The following EFR3B variants were observed in gnomAD, a reference collection of about 807,000 sequenced individuals.
EFR3B encodes the protein EFR3 homolog B, also known as protein EFR3 homolog B.
EFR3B carries 64 observed loss-of-function variants against 104.7 expected under a neutral mutation model. The ratio of observed to expected loss-of-function variants is 0.61; its 90% confidence interval spans 0.50 to 0.75. The LOEUF (loss-of-function observed/expected upper bound fraction) is 0.75. Ranked by LOEUF, EFR3B falls within the 30% of genes least tolerant of loss-of-function variation. The pLI is 0.00. For missense variants in EFR3B, 750 were observed against 1,078.5 expected (o/e 0.70, Z 4.27); for synonymous variants, 385 against 417.9 (o/e 0.92, Z 0.96).
At chr2:25,103,832 G>C (rs1225369368) in intron 4 of EFR3B, 45 bp downstream of exon 4, 2 of 1,544,566 alleles carry the variant, frequency 1.3e-6, no homozygotes, top group South Asian at 1.2e-5. Context: ...GCCGCATCCT[G>C]GGGGGTGGCA....
At chr2:25,085,443 TAA>T (rs1427711889) in intron 1 of EFR3B, among the ~76,000 whole-genome samples, 1 of 152,166 alleles carries the variant, frequency 6.6e-6, no homozygotes, top group Non-Finnish European at 1.5e-5. Context: ...AAAAGCATAA[TAA>T]AAATATTCAT....
chr2:25,089,191 C>G (rs1669044155), intron 1 of EFR3B, among the ~76,000 whole-genome samples: 1 of 152,130 alleles, frequency 6.6e-6, no homozygotes, highest in Admixed American at 6.5e-5. Context: ...CAGGACTGTC[C>G]CGGCCTGATG....
At chr2:25,126,591 C>T (rs1670175435) in intron 5 of EFR3B, among the ~76,000 whole-genome samples, 1 of 152,024 alleles carries the variant, frequency 6.6e-6, no homozygotes, top group African/African-American at 2.4e-5. Context: ...AACTCCTGAC[C>T]TCAGGTGATC....
intron 19 of EFR3B, chr2:25,146,432 T>C (rs1006678898): frequency 6.6e-6 from 1 of 152,196 alleles, no homozygotes; most frequent in South Asian, 2.1e-4. Flanking sequence ...CTTGGGCTAA[T>C]TGGACAAGTA....
At chr2:25,051,128 T>A (rs531395637) in intron 1 of EFR3B, among the ~76,000 whole-genome samples, 2 of 152,298 alleles carry the variant, frequency 1.3e-5, no homozygotes, top group East Asian at 3.9e-4. Context: ...CTTCTGTTTT[T>A]TGAGACCAAG....
chr2:25,087,692 C>T (rs1041753248), intron 1 of EFR3B, among the ~76,000 whole-genome samples: 5 of 152,024 alleles, frequency 3.3e-5, no homozygotes, highest in African/African-American at 4.8e-5. Context: ...AGGCTGGTCT[C>T]GAACTCCTGA....
chr2:25,147,347 G>T (rs571205305), intron 19 of EFR3B: 1 of 152,356 alleles, frequency 6.6e-6, no homozygotes, highest in Non-Finnish European at 1.5e-5. Flanking sequence ...GCCGAGCATA[G>T]CTCTCTCTTG....
chr2:25,054,272 T>C (rs1207983169), intron 1 of EFR3B, among the ~76,000 whole-genome samples: 1 of 152,162 alleles, frequency 6.6e-6, no homozygotes, highest in Non-Finnish European at 1.5e-5. Context: ...CATGGACTTA[T>C]ATTGCAGGAC....
At chr2:25,090,471 T>C (rs988526983) in intron 1 of EFR3B, among the ~76,000 whole-genome samples, 3 of 152,242 alleles carry the variant, frequency 2.0e-5, no homozygotes, top group Admixed American at 6.5e-5. Context: ...AACCAAAACA[T>C]GAAGGAGGAG....
intron 1 of EFR3B, among the ~76,000 whole-genome samples, chr2:25,064,197 GTC>G (rs1249446548): frequency 6.6e-6 from 1 of 152,330 alleles, no homozygotes; most frequent in East Asian, 1.9e-4. Context: ...CATGGCGCCT[GTC>G]TTGTGTTCTG....
rs1229098169 is a variant in EFR3B at position 25,155,384 on chromosome 2, A to T, written c.*1044A>T. The T allele has an allele frequency of 6.6e-6, 1 of 152,196 alleles. No individual in the cohort carries two copies. The highest frequency in any genetic ancestry group is 1.5e-5 in the Non-Finnish European group (1 of 68,034). 9.4% of individuals were successfully genotyped at this position (152,196 alleles called of 1,614,324 possible). On this transcript the variant is annotated 3_prime_UTR_variant, in exon 23 of 23. Transcript: ENST00000403714. ...GAAGGATCTAACACCTAATATTGGAATGATTTCTTCACTCTCTGGACAAAG... is the reference window on the plus strand; with the variant it reads ...GAAGGATCTAACACCTAATATTGGATTGATTTCTTCACTCTCTGGACAAAG...
At chr2:25,078,058 T>C (rs2149177803) in intron 1 of EFR3B, among the ~76,000 whole-genome samples, 1 of 152,328 alleles carries the variant, frequency 6.6e-6, no homozygotes, top group Admixed American at 6.5e-5. Flanking sequence ...TTAGTCTCAT[T>C]GTGACATATC....
chr2:25,142,552 A>C lies in EFR3B; in HGVS notation c.1922+1119A>C, dbSNP rs574640682. Among the ~76,000 whole-genome samples, 9 of 151,674 alleles carry C rather than the reference A, an allele frequency of 5.9e-5. No homozygotes were observed. The East Asian group carries it at 1.7e-3, about 29-fold the overall frequency. ...GGCGGGCAGATCACTTGAGATCAGG[A>C]GTTGGAGACTAGCCTGGCCAACACA... On this transcript the variant is annotated intron_variant, in intron 17 of 22. Transcript: ENST00000403714.
chr2:25,065,642 A>G (rs1401640723), intron 1 of EFR3B, among the ~76,000 whole-genome samples: 1 of 152,158 alleles, frequency 6.6e-6, no homozygotes. Flanking sequence ...TCACCAGTGC[A>G]GGCCTGAGGG....
rs1381040963 is a variant in EFR3B, at chr2:25,156,302, T to TTG, written c.*1963_*1964insGT. On this transcript the variant is annotated 3_prime_UTR_variant, in exon 23 of 23. Coordinates refer to ENST00000403714, the MANE Select transcript of EFR3B (RefSeq NM_014971.2). ...GCTTCTTTTTCTTGTTTTTTTTTTT[T>TTG]TTTTTTTTTTTTTGAGACACCGTCT... is the stretch of plus-strand genomic sequence containing the variant. 2.9e-5 allele frequency: 4 copies of TTG among 138,668 alleles called. No individual in the cohort carries two copies. Among genetic ancestry groups the TTG allele is most frequent in the African/African-American group, 1.1e-4 (4 of 36,094 alleles). 8.6% of individuals were successfully genotyped at this position (138,668 alleles called of 1,614,324 possible).
intron 4 of EFR3B, among the ~76,000 whole-genome samples, chr2:25,116,868 C>T (rs1167881329): frequency 6.6e-6 from 1 of 152,204 alleles, no homozygotes; most frequent in East Asian, 1.9e-4. Flanking sequence ...TACCTCGCAC[C>T]ACCTCAGGGG....
In EFR3B at chr2:25,130,259, C is replaced by T. The variant is rs1215920617; in HGVS notation, c.770+150C>T. 1.3e-5 allele frequency: 17 copies of T among 1,321,026 alleles called. No homozygotes were observed. The highest frequency in any genetic ancestry group is 1.7e-5 in the Non-Finnish European group (17 of 977,004). 81.8% of individuals were successfully genotyped at this position (1,321,026 alleles called of 1,614,324 possible). On this transcript the variant is annotated intron_variant, in intron 7 of 22. Transcript: ENST00000403714. The surrounding 1 kb of genome is among the most constrained non-coding windows in gnomAD (Gnocchi z 4.6). ...CCCTTCCCTGTGCCTGTGTTCCCTG[C>T]ACTGTGACAGCAAAAGCTGCCACAG...
intron 4 of EFR3B, among the ~76,000 whole-genome samples, chr2:25,117,055 C>T (rs993414172): frequency 9.2e-5 from 14 of 152,196 alleles, no homozygotes; most frequent in African/African-American, 2.9e-4. Context: ...TATGGCGCCA[C>T]GGCTCGCTGA....
Position 25,137,332 on chromosome 2 carries a change from T to C in EFR3B, c.1561-9T>C. On this transcript the variant is annotated splice_polypyrimidine_tract_variant and intron_variant, in intron 14 of 22. Transcript: ENST00000403714. The surrounding 1 kb of genome is among the most constrained non-coding windows in gnomAD (Gnocchi z 4.7). ...CCGACCCTGGCCTTCTGCCCGCTCC[T>C]GTCCCCAGCACTCCCAGCAGCTCTA... 6.4e-7 allele frequency: 1 copy of C among 1,552,184 alleles called. No homozygotes were observed. Among genetic ancestry groups the C allele is most frequent in the Non-Finnish European group, 8.7e-7 (1 of 1,147,112 alleles).
Sources: allele counts gnomAD v4.1 joint callset (sites outside exome capture counted in the v4.1 genomes callset), GRCh38; gene constraint gnomAD v4.1.1; non-coding constraint Gnocchi (gnomAD v3.1); transcripts MANE v1.5; gene names NCBI Gene and HGNC (gene_info 2026-07-23, HGNC 2026-07-21).